The following FAM167A variants were observed in gnomAD, a reference collection of about 807,000 sequenced individuals.
The protein encoded by FAM167A is family with sequence similarity 167 member A.
In FAM167A, 23 loss-of-function variants were observed where a neutral mutation model predicts 14.9. The ratio of observed to expected loss-of-function variants is 1.55; its 90% CI spans 1.11 to 2.19. The LOEUF (loss-of-function observed/expected upper bound fraction) is 2.19, where lower values mean the gene tolerates loss of function less well. Among genes scored for constraint, FAM167A ranks in the 30% most tolerant of loss-of-function variants. The pLI is 0.00. For missense variants in FAM167A, 401 were observed against 281.5 expected, an observed-to-expected ratio of 1.42 and a Z score of -3.04; for synonymous variants, 174 against 117.7, an observed-to-expected ratio of 1.48 and a Z score of -3.10.
At chr8:11,425,536 G>A (rs757476232) in intron 2 of FAM167A, among the ~76,000 whole-genome samples, 6 of 152,128 alleles carry the variant, frequency 3.9e-5, no homozygotes, top group Non-Finnish European at 7.3e-5. Flanking sequence ...CTATTGATGT[G>A]TAAACACAAG....
chr8:11,472,599 A>C (rs2117176107), intron 1 of FAM167A, among the ~76,000 whole-genome samples: 1 of 152,174 alleles, frequency 6.6e-6, no homozygotes, highest in Admixed American at 6.5e-5. Flanking sequence ...TAACAACAGA[A>C]GACCGGAAAC....
intron 2 of FAM167A, among the ~76,000 whole-genome samples, chr8:11,442,919 T>A (rs1042108139): frequency 6.6e-6 from 1 of 152,140 alleles, no homozygotes; most frequent in Non-Finnish European, 1.5e-5. Flanking sequence ...CCTGCCCCAC[T>A]CCAAACCCCA....
At chr8:11,437,575 T>C (rs56388647) in intron 2 of FAM167A, among the ~76,000 whole-genome samples, 21,577 of 152,236 alleles carry the variant, frequency 0.14, 2,021 homozygotes, top group Non-Finnish European at 0.21. Context: ...AGTGCACTCT[T>C]GACCAGTTAA....
chr8:11,440,159 C>T (rs1021021874), intron 2 of FAM167A, among the ~76,000 whole-genome samples: 2 of 152,208 alleles, frequency 1.3e-5, no homozygotes, highest in African/African-American at 4.8e-5. Flanking sequence ...GCCAGTGTCC[C>T]AGGAGCAGCG....
At chr8:11,428,851 C>G (rs781378443) in intron 2 of FAM167A, among the ~76,000 whole-genome samples, 27 of 152,288 alleles carry the variant, frequency 1.8e-4, no homozygotes, top group Non-Finnish European at 3.7e-4. Flanking sequence ...GGAGGTCACT[C>G]TGCTGTAATT....
At chr8:11,470,978 C>G (rs1030514907), upstream of FAM167A, among the ~76,000 whole-genome samples, 3 of 152,218 alleles carry the variant, frequency 2.0e-5, no homozygotes, top group Admixed American at 1.3e-4. Flanking sequence ...TTCTAGGGAA[C>G]CTGTTAGTTC....
rs1805015551 is a variant in FAM167A at position 11,424,726 on chromosome 8, C to T, written c.382-90G>A. On this transcript the variant is annotated intron_variant, in intron 2 of 2. Coordinates refer to ENST00000284486, the MANE Select transcript of FAM167A (RefSeq NM_053279.3). The stretch of plus-strand genomic sequence containing the variant: ...TGGTTAGCAGGGCCCTGACTAATGT[C>T]TTAGTTCATTAAGTGGTCCATCTAG... 3 of 1,512,118 alleles carry T rather than the reference C, an allele frequency of 2.0e-6. No individual in the cohort carries two copies. The African/African-American group carries it at 4.1e-5, about 21-fold the overall frequency. The allele number at this position is 1,512,118 out of a possible 1,614,324, so 93.7% of individuals were successfully genotyped here.
At chr8:11,432,611 G>C (rs1049199836) in intron 2 of FAM167A, among the ~76,000 whole-genome samples, 2 of 152,224 alleles carry the variant, frequency 1.3e-5, no homozygotes, top group Non-Finnish European at 2.9e-5. Flanking sequence ...CTTTTACACT[G>C]TTGGGAGTGA....
At position 11,444,182 on chromosome 8, in the gene FAM167A, C is replaced by G. The variant is rs747964592; in HGVS notation, c.230G>C (p.Gly77Ala). The G allele has an allele frequency of 2.0e-5, 33 of 1,612,864 alleles. No homozygotes were observed. The highest frequency in any genetic ancestry group is 9.9e-5 in the South Asian group (9 of 91,016). ...PQASLEEGER[G>A]GQEPLLPLRE... ...CAGGGGGAGCAAGGGCTCCTGCCCC[C>G]CACGCTCCCCCTCCTCCAAGCTCGC... The change falls in exon 2 of 3, where the codon GGG (glycine) becomes GCG (alanine). Residue 77 changes from glycine (G) to alanine (A), a missense_variant. By Grantham distance (60) the Gly-to-Ala change is moderately conservative. Transcript: ENST00000284486.
At chr8:11,465,112 C>T (rs1482903773) in intron 1 of FAM167A, among the ~76,000 whole-genome samples, 5 of 152,068 alleles carry the variant, frequency 3.3e-5, no homozygotes, top group Non-Finnish European at 7.4e-5. Context: ...CCGGCCAGGC[C>T]CAACAACACA....
At chr8:11,446,607 T>C (rs2409770) in intron 1 of FAM167A, 68,479 of 151,980 alleles carry the variant, frequency 0.45, 15,738 homozygotes, top group East Asian at 0.67. Flanking sequence ...GCTTGCTAAG[T>C]CTCATTTTCT....
rs57074703 is a variant in FAM167A at position 11,460,870 on chromosome 8, A to T, written c.-398+5756T>A. 0.011 allele frequency among the ~76,000 whole-genome samples: 1,662 copies of T among 152,330 alleles called. 86 individuals are homozygous for T. The East Asian group carries it at 0.15, about 14-fold the overall frequency. The stretch of plus-strand genomic sequence containing the variant: ...GAAACCTTGCTTGTCTCGCTGGGAC[A>T]TTATGAGAAAAGAATCTATAAAAAT... On this transcript the variant is annotated intron_variant, in intron 1 of 2. Coordinates refer to ENST00000284486, the MANE Select transcript of FAM167A (RefSeq NM_053279.3).
intron 2 of FAM167A, among the ~76,000 whole-genome samples, chr8:11,429,254 C>G (rs1309456645): frequency 1.3e-5 from 2 of 152,152 alleles, no homozygotes; most frequent in African/African-American, 2.4e-5. Context: ...GCATAATGTC[C>G]TCTGGTTTCT....
At chr8:11,451,581 C>T (rs1294539500) in intron 1 of FAM167A, among the ~76,000 whole-genome samples, 1 of 152,176 alleles carries the variant, frequency 6.6e-6, no homozygotes, top group Non-Finnish European at 1.5e-5. Context: ...GCAGGCAGGC[C>T]GTGCAGCCTT....
intron 1 of FAM167A, among the ~76,000 whole-genome samples, chr8:11,459,719 C>T (rs1001330775): frequency 6.6e-6 from 1 of 152,202 alleles, no homozygotes; most frequent in African/African-American, 2.4e-5. Flanking sequence ...CATTTCATTT[C>T]TTTTCTTTTT....
At chr8:11,457,840 T>A (rs1324407907) in intron 1 of FAM167A, among the ~76,000 whole-genome samples, 1 of 152,174 alleles carries the variant, frequency 6.6e-6, no homozygotes, top group Non-Finnish European at 1.5e-5. Context: ...CTCCAGTCAC[T>A]TGCTTTCCTC....
chr8:11,472,029 A>C (rs1807976205), upstream of FAM167A, among the ~76,000 whole-genome samples: 1 of 152,238 alleles, frequency 6.6e-6, no homozygotes, highest in Non-Finnish European at 1.5e-5. Flanking sequence ...ATATTTGTCA[A>C]GGCAGGAGGA....
At chr8:11,441,855 A>G (rs1178789427) in intron 2 of FAM167A, among the ~76,000 whole-genome samples, 3 of 152,090 alleles carry the variant, frequency 2.0e-5, no homozygotes, top group African/African-American at 7.2e-5. Flanking sequence ...TTGCCTGCTG[A>G]CATTTTTGTG....
At chr8:11,437,268 G>A (rs558777428) in intron 2 of FAM167A, among the ~76,000 whole-genome samples, 9 of 152,264 alleles carry the variant, frequency 5.9e-5, no homozygotes, top group African/African-American at 2.2e-4. Flanking sequence ...TCTGTGAAAT[G>A]GGGATAGTAA....
Sources: allele counts gnomAD v4.1 joint callset (sites outside exome capture counted in the v4.1 genomes callset), GRCh38; gene constraint gnomAD v4.1.1; transcripts MANE v1.5; gene names NCBI Gene and HGNC (gene_info 2026-07-23, HGNC 2026-07-21).